Variants in NIPAL2 observed in about 807,000 individuals in gnomAD.
The protein encoded by NIPAL2 is NIPA like domain containing 2.
In NIPAL2, 43 loss-of-function variants were observed where a neutral mutation model predicts 48.9. That is an observed-to-expected ratio of 0.88 (90% CI 0.69 to 1.13). The LOEUF is 1.13. Among genes scored for constraint, NIPAL2 ranks in the 50% most tolerant of loss-of-function variants. NIPAL2 has a pLI of 0.00. For missense variants in NIPAL2, 446 were observed against 461.4 expected, an observed-to-expected ratio of 0.97 and a Z score of 0.31; for synonymous variants, 167 against 174.6, an observed-to-expected ratio of 0.96 and a Z score of 0.34.
intron 4 of NIPAL2, among the ~76,000 whole-genome samples, chr8:98,234,019 GT>G (rs576351576): frequency 3.3e-4 from 50 of 150,838 alleles, no homozygotes; most frequent in African/African-American, 1.2e-3. Context: ...GAGTAATTTT[GT>G]CCCCTAGGAG....
chr8:98,218,796 G>A (rs1046891400), intron 5 of NIPAL2, among the ~76,000 whole-genome samples: 1 of 152,152 alleles, frequency 6.6e-6, no homozygotes, highest in Non-Finnish European at 1.5e-5. Flanking sequence ...GGGGTTGTGG[G>A]TCAAAGGAGG....
At chr8:98,271,617 T>C (rs893376573) in intron 1 of NIPAL2, among the ~76,000 whole-genome samples, 3 of 152,146 alleles carry the variant, frequency 2.0e-5, no homozygotes, top group African/African-American at 7.2e-5. Context: ...GTTTTCTAAG[T>C]ATAGAGTCAT....
intron 10 of NIPAL2, chr8:98,193,554 C>A: frequency 1.2e-6 from 1 of 800,650 alleles, no homozygotes; most frequent in Non-Finnish European, 2.1e-6. Flanking sequence ...TGCAGTGGCT[C>A]ACACCTATCA....
At chr8:98,259,517 A>T (rs999335459) in intron 1 of NIPAL2, among the ~76,000 whole-genome samples, 1 of 152,186 alleles carries the variant, frequency 6.6e-6, no homozygotes, top group Non-Finnish European at 1.5e-5. Context: ...GCAAAAATGG[A>T]CACAATTCCT....
At chr8:98,216,683 A>G (rs1811592051) in intron 5 of NIPAL2, among the ~76,000 whole-genome samples, 1 of 152,224 alleles carries the variant, frequency 6.6e-6, no homozygotes, top group Non-Finnish European at 1.5e-5. Flanking sequence ...AGAGAAAATG[A>G]GCAATGTGCA....
At chr8:98,259,446 C>T (rs1814153414) in intron 1 of NIPAL2, among the ~76,000 whole-genome samples, 1 of 152,142 alleles carries the variant, frequency 6.6e-6, no homozygotes, top group African/African-American at 2.4e-5. Context: ...TAAACTATTA[C>T]ATTATTAATA....
intron 3 of NIPAL2, among the ~76,000 whole-genome samples, chr8:98,249,624 CAT>C (rs201487877): frequency 0.015 from 2,218 of 145,332 alleles, 26 homozygotes; most frequent in Non-Finnish European, 0.023. Context: ...AAATGTATAA[CAT>C]AATACAATTT....
At chr8:98,271,325 T>G (rs892202066) in intron 1 of NIPAL2, among the ~76,000 whole-genome samples, 2 of 152,242 alleles carry the variant, frequency 1.3e-5, no homozygotes, top group African/African-American at 4.8e-5. Flanking sequence ...TTCCAATCCA[T>G]GAACATGGAA....
At chr8:98,225,084 C>T (rs1812100531) in intron 4 of NIPAL2, among the ~76,000 whole-genome samples, 2 of 152,266 alleles carry the variant, frequency 1.3e-5, no homozygotes, top group African/African-American at 4.8e-5. Flanking sequence ...GTCCCTTTCA[C>T]ATATATTATT....
At chr8:98,236,851 CAAAAAAAAAAAA>C (rs34210829) in intron 3 of NIPAL2, among the ~76,000 whole-genome samples, 1 of 66,900 alleles carries the variant, frequency 1.5e-5, no homozygotes, top group Admixed American at 2.3e-4. Flanking sequence ...GATCCTGTCT[CAAAAAAAAAAAA>C]AAAAAAAAAA....
intron 1 of NIPAL2, among the ~76,000 whole-genome samples, chr8:98,264,286 T>C (rs1287356819): frequency 4.3e-5 from 5 of 117,496 alleles, no homozygotes; most frequent in South Asian, 3.5e-4. Context: ...CCAGGGCAAT[T>C]AGGCAGGAGA....
rs1019035141 is a variant in NIPAL2 at position 98,192,841 on chromosome 8, G to A, written c.*137C>T. The A allele has an allele frequency of 6.2e-6, 4 of 641,192 alleles. No individual in the cohort carries two copies. The highest frequency in any genetic ancestry group is 2.7e-5 in the East Asian group (1 of 36,792). The allele number at this position is 641,192 out of a possible 1,614,324, so 39.7% of individuals were successfully genotyped here. A position where few individuals can be genotyped will look rare whatever the true frequency, so the allele number is the denominator to read the frequency against. On this transcript the variant is annotated 3_prime_UTR_variant, in exon 11 of 11. Transcript: ENST00000430223. ...AGGAAGTCCCCGATTGTCCATAGAC[G>A]CTGAGGTGGGGGAAAGGACTGAAAT...
At chr8:98,276,958 C>T (rs1390298266) in intron 1 of NIPAL2, among the ~76,000 whole-genome samples, 2 of 151,722 alleles carry the variant, frequency 1.3e-5, no homozygotes, top group African/African-American at 4.8e-5. Context: ...TTAGTAGAGA[C>T]GGGGTTTCAC....
chr8:98,211,531 T>C (rs2130723368), intron 6 of NIPAL2, among the ~76,000 whole-genome samples: 1 of 152,284 alleles, frequency 6.6e-6, no homozygotes, highest in South Asian at 2.1e-4. Flanking sequence ...CAGCACCTCG[T>C]TAACATGGAG....
chr8:98,239,611 A>G (rs1812885759), intron 3 of NIPAL2, among the ~76,000 whole-genome samples: 1 of 152,226 alleles, frequency 6.6e-6, no homozygotes, highest in African/African-American at 2.4e-5. Context: ...CCTTTCTGAA[A>G]GATAATAGAA....
At chr8:98,193,406 G>T (rs373074392) in intron 10 of NIPAL2, 5 of 1,614,076 alleles carry the variant, frequency 3.1e-6, no homozygotes, top group Non-Finnish European at 3.4e-6. Context: ...TCTCTCTGGG[G>T]TTGTGTCTTC....
chr8:98,272,798 G>T (rs1273781589), intron 1 of NIPAL2, among the ~76,000 whole-genome samples: 3 of 151,892 alleles, frequency 2.0e-5, no homozygotes, highest in African/African-American at 7.3e-5. Flanking sequence ...ATAACTGTGT[G>T]CTATTTTACA....
At chr8:98,215,900 A>G (rs1811553261) in intron 5 of NIPAL2, among the ~76,000 whole-genome samples, 1 of 152,184 alleles carries the variant, frequency 6.6e-6, no homozygotes, top group African/African-American at 2.4e-5. Context: ...TCAGTGGGAA[A>G]AACCTCAATT....
At chr8:98,236,124 C>G in intron 4 of NIPAL2, 31 bp downstream of exon 4, 2 of 1,426,038 alleles carry the variant, frequency 1.4e-6, no homozygotes, top group East Asian at 4.6e-5. Flanking sequence ...TCAAGCAATG[C>G]TACAATTACA....
Sources: allele counts gnomAD v4.1 joint callset (sites outside exome capture counted in the v4.1 genomes callset), GRCh38; gene constraint gnomAD v4.1.1; transcripts MANE v1.5; gene names NCBI Gene and HGNC (gene_info 2026-07-23, HGNC 2026-07-21).